SGCZ: variants seen among roughly 807,000 people sequenced by gnomAD.
SGCZ encodes the protein zeta-sarcoglycan.
A neutral mutation model predicts 41.3 loss-of-function variants in SGCZ; 40 were observed. That is an observed-to-expected ratio of 0.97 (90% CI 0.75 to 1.26). The LOEUF (loss-of-function observed/expected upper bound fraction) is 1.26, where lower values mean the gene tolerates loss of function less well. Ranked by LOEUF, SGCZ falls within the 50% of genes most tolerant of loss-of-function variation. The pLI, the probability that SGCZ is intolerant of heterozygous loss-of-function variation, is 0.00. For synonymous variants in SGCZ, 206 were observed against 137.5 expected (o/e 1.50, Z -3.49); for missense variants, 552 against 369.8 (o/e 1.49, Z -4.04).
intron 1 of SGCZ, among the ~76,000 whole-genome samples, chr8:15,012,884 T>C (rs1010947441): frequency 6.6e-6 from 1 of 151,688 alleles, no homozygotes; most frequent in African/African-American, 2.4e-5. Flanking sequence ...TATTCATTTG[T>C]AAGGCCAGAA....
rs1381812579 is a variant in SGCZ at position 14,281,863 on chromosome 8, C to G, written c.336+42240G>C. On this transcript the variant is annotated intron_variant, in intron 3 of 7. Coordinates refer to ENST00000382080, the MANE Select transcript of SGCZ (RefSeq NM_139167.4). Reference sequence around the variant, plus strand: ...ATAAATTAAGTTTGTCAGAACCATACTGTTCTTTTTTTTTATTATCTAAAC... The same window carrying G: ...ATAAATTAAGTTTGTCAGAACCATAGTGTTCTTTTTTTTTATTATCTAAAC... Among the ~76,000 whole-genome samples the G allele has an allele frequency of 1.6e-4, 3 of 18,562 alleles. No individual in the cohort carries two copies. In the Non-Finnish European group the frequency reaches 2.7e-3, roughly 17 times the overall value. 12.2% of individuals were successfully genotyped at this position (18,562 alleles called of 152,430 possible). A position where few individuals can be genotyped will look rare whatever the true frequency, so the allele number is the denominator to read the frequency against.
intron 1 of SGCZ, among the ~76,000 whole-genome samples, chr8:14,692,265 A>G (rs1808824367): frequency 6.6e-6 from 1 of 152,074 alleles, no homozygotes; most frequent in African/African-American, 2.4e-5. Flanking sequence ...AAAACCAACC[A>G]TAGGATATTG....
chr8:14,272,355 A>G (rs932173036), intron 3 of SGCZ, among the ~76,000 whole-genome samples: 1 of 152,192 alleles, frequency 6.6e-6, no homozygotes, highest in Non-Finnish European at 1.5e-5. Context: ...CAGGGTGACT[A>G]TATGACGGAC....
intron 4 of SGCZ, among the ~76,000 whole-genome samples, chr8:14,173,200 T>C (rs1804441156): frequency 6.6e-6 from 1 of 152,104 alleles, no homozygotes; most frequent in Non-Finnish European, 1.5e-5. Flanking sequence ...ACAACGTTTA[T>C]TCTTTCCTAA....
intron 2 of SGCZ, among the ~76,000 whole-genome samples, chr8:14,356,664 C>A (rs1479105292): frequency 2.6e-5 from 4 of 151,858 alleles, no homozygotes; most frequent in Admixed American, 6.6e-5. Flanking sequence ...AGCAAACCAA[C>A]TCAAGGCATA....
chr8:14,866,100 A>G (rs1263874467), intron 1 of SGCZ, among the ~76,000 whole-genome samples: 1 of 152,120 alleles, frequency 6.6e-6, no homozygotes, highest in Non-Finnish European at 1.5e-5. Flanking sequence ...CAGAAAAAGA[A>G]TCTTCACAGG....
intron 1 of SGCZ, among the ~76,000 whole-genome samples, chr8:14,790,787 T>C (rs935936103): frequency 2.0e-5 from 3 of 152,042 alleles, no homozygotes; most frequent in Non-Finnish European, 4.4e-5. Flanking sequence ...TCCCAGCACT[T>C]AGGGAGGTCA....
At chr8:14,117,428 G>GTGTC (rs71209012) in intron 5 of SGCZ, among the ~76,000 whole-genome samples, 2 of 149,868 alleles carry the variant, frequency 1.3e-5, no homozygotes, top group Non-Finnish European at 3.0e-5. Flanking sequence ...GTGTGTGTGT[G>GTGTC]TGTGTGTGTG....
intron 1 of SGCZ, among the ~76,000 whole-genome samples, chr8:15,072,816 C>T (rs981349773): frequency 2.6e-5 from 4 of 152,208 alleles, no homozygotes; most frequent in East Asian, 1.9e-4. Flanking sequence ...ATGAAATTAT[C>T]GTATTTTAGT....
chr8:14,294,071 G>A (rs1416915994), intron 3 of SGCZ, among the ~76,000 whole-genome samples: 4 of 151,484 alleles, frequency 2.6e-5, no homozygotes, highest in Admixed American at 6.6e-5. Context: ...TTTTTCTGTA[G>A]CCAATTATAA....
At chr8:14,319,258 T>C (rs1331016512) in intron 3 of SGCZ, among the ~76,000 whole-genome samples, 1 of 151,950 alleles carries the variant, frequency 6.6e-6, no homozygotes, top group Non-Finnish European at 1.5e-5. Context: ...AACATTCATG[T>C]CATCAAAAGG....
intron 1 of SGCZ, among the ~76,000 whole-genome samples, chr8:14,795,424 TG>T (rs1207763335): frequency 7.8e-6 from 1 of 127,664 alleles, no homozygotes; most frequent in African/African-American, 2.5e-5. Flanking sequence ...ATTCATACTT[TG>T]GGGTTTTTTT....
At chr8:15,024,906 A>G (rs1803394516) in intron 1 of SGCZ, among the ~76,000 whole-genome samples, 1 of 151,548 alleles carries the variant, frequency 6.6e-6, no homozygotes, top group South Asian at 2.1e-4. Flanking sequence ...ACTGCACTCC[A>G]GCCTGGGCGA....
At chr8:14,731,303 C>G (rs1810230827) in intron 1 of SGCZ, among the ~76,000 whole-genome samples, 1 of 151,056 alleles carries the variant, frequency 6.6e-6, no homozygotes, top group South Asian at 2.1e-4. Flanking sequence ...CCAAACACCA[C>G]ATGTTCCCAC....
chr8:15,014,889 G>A (rs1018804462), intron 1 of SGCZ, among the ~76,000 whole-genome samples: 4 of 152,152 alleles, frequency 2.6e-5, no homozygotes, highest in Non-Finnish European at 5.9e-5. Context: ...AAATAAGCTG[G>A]CCCAAGCAGC....
chr8:14,796,512 AT>A (rs1179606223), intron 1 of SGCZ, among the ~76,000 whole-genome samples: 1 of 152,114 alleles, frequency 6.6e-6, no homozygotes, highest in Non-Finnish European at 1.5e-5. Context: ...ATTAACTTTC[AT>A]TAAAAAATTA....
chr8:14,569,801 T>G (rs539006747), intron 1 of SGCZ, among the ~76,000 whole-genome samples: 1 of 152,170 alleles, frequency 6.6e-6, no homozygotes, highest in South Asian at 2.1e-4. Context: ...TTTGCAGCCA[T>G]TGAGGTAAGA....
intron 1 of SGCZ, among the ~76,000 whole-genome samples, chr8:14,654,531 T>A (rs554298296): frequency 6.6e-6 from 1 of 152,278 alleles, no homozygotes; most frequent in Non-Finnish European, 1.5e-5. Flanking sequence ...TGAGCTTTAC[T>A]ACTACTGCTA....
At chr8:14,628,001 G>A (rs925128872) in intron 1 of SGCZ, among the ~76,000 whole-genome samples, 13 of 152,042 alleles carry the variant, frequency 8.6e-5, no homozygotes, top group African/African-American at 3.1e-4. Context: ...ACATCACTAT[G>A]TCCCAGTTTA....
Sources: allele counts gnomAD v4.1 joint callset (sites outside exome capture counted in the v4.1 genomes callset), GRCh38; gene constraint gnomAD v4.1.1; transcripts MANE v1.5; gene names NCBI Gene and HGNC (gene_info 2026-07-23, HGNC 2026-07-21).